UVRAG: variants seen among roughly 807,000 people sequenced by gnomAD.
The protein encoded by UVRAG is UV radiation resistance-associated gene protein.
A neutral mutation model predicts 78.0 loss-of-function variants in UVRAG; 19 were observed. The ratio of observed to expected loss-of-function variants is 0.24; its 90% CI spans 0.17 to 0.36. UVRAG has a LOEUF of 0.36. UVRAG is among the 10% of genes least tolerant of loss of function. The pLI is 1.00. For synonymous variants in UVRAG, 323 were observed against 324.6 expected (o/e 1.00, Z 0.05); for missense variants, 740 against 853.8 (o/e 0.87, Z 1.66).
chr11:75,966,743 T>C (rs1026936709), intron 7 of UVRAG, among the ~76,000 whole-genome samples: 1 of 152,212 alleles, frequency 6.6e-6, no homozygotes, highest in African/African-American at 2.4e-5. Flanking sequence ...CAAAAAATGT[T>C]GATGTTTTTA....
chr11:76,029,203 T>C (rs1847582006), intron 12 of UVRAG, among the ~76,000 whole-genome samples: 1 of 152,198 alleles, frequency 6.6e-6, no homozygotes, highest in African/African-American at 2.4e-5. Flanking sequence ...TGTTGAGACC[T>C]ACGGCTCAGA....
intron 1 of UVRAG, among the ~76,000 whole-genome samples, chr11:75,817,575 G>A (rs1945286386): frequency 2.6e-5 from 4 of 152,102 alleles, no homozygotes; most frequent in African/African-American, 9.7e-5. Context: ...TACTTTTGCA[G>A]TTGACATCAA....
chr11:76,091,000 G>A (rs1004565336), intron 13 of UVRAG, among the ~76,000 whole-genome samples: 2 of 152,118 alleles, frequency 1.3e-5, no homozygotes, highest in African/African-American at 4.8e-5. Context: ...ATGACATGAT[G>A]TCTTCCTCTT....
At chr11:75,977,986 A>G (rs1949288121) in intron 7 of UVRAG, among the ~76,000 whole-genome samples, 1 of 152,148 alleles carries the variant, frequency 6.6e-6, no homozygotes, top group African/African-American at 2.4e-5. Context: ...ACAATTTGGC[A>G]TGTTTTTGCA....
intron 7 of UVRAG, among the ~76,000 whole-genome samples, chr11:75,983,071 A>C (rs1040363081): frequency 2.0e-4 from 30 of 152,212 alleles, no homozygotes; most frequent in African/African-American, 7.0e-4. Context: ...TAACTTTTTG[A>C]GAACTTACTT....
At chr11:75,954,681 C>G (rs1027523259) in intron 6 of UVRAG, among the ~76,000 whole-genome samples, 1 of 152,198 alleles carries the variant, frequency 6.6e-6, no homozygotes, top group Non-Finnish European at 1.5e-5. Flanking sequence ...TGAGTCCCTC[C>G]TTTGTGCCAC....
intron 12 of UVRAG, among the ~76,000 whole-genome samples, chr11:76,023,124 T>A (rs1314657318): frequency 6.6e-6 from 1 of 152,212 alleles, no homozygotes; most frequent in Non-Finnish European, 1.5e-5. Flanking sequence ...TAATACTGTC[T>A]TTTTTATTTA....
chr11:76,020,458 C>T (rs541367823), intron 12 of UVRAG, among the ~76,000 whole-genome samples: 22 of 152,008 alleles, frequency 1.4e-4, no homozygotes, highest in Admixed American at 7.2e-4. Context: ...TGAATCCTGC[C>T]AGGACTTGGT....
At chr11:76,089,510 A>G (rs1476471279) in intron 13 of UVRAG, among the ~76,000 whole-genome samples, 1 of 152,222 alleles carries the variant, frequency 6.6e-6, no homozygotes, top group Non-Finnish European at 1.5e-5. Flanking sequence ...GCATGACGCG[A>G]TGCCATTTGA....
chr11:76,106,150 A>G (rs1159985002), intron 13 of UVRAG, among the ~76,000 whole-genome samples: 1 of 152,218 alleles, frequency 6.6e-6, no homozygotes, highest in Non-Finnish European at 1.5e-5. Context: ...AGAATAGAAT[A>G]CTACTCAGCA....
intron 1 of UVRAG, among the ~76,000 whole-genome samples, chr11:75,839,518 C>T (rs1039209482): frequency 6.6e-6 from 1 of 151,642 alleles, no homozygotes; most frequent in African/African-American, 2.4e-5. Context: ...GCCCTAACAC[C>T]TTTATTGATT....
chr11:75,842,498 A>G (rs901562431), intron 1 of UVRAG, among the ~76,000 whole-genome samples: 9 of 146,074 alleles, frequency 6.2e-5, no homozygotes, highest in African/African-American at 2.1e-4. Context: ...CTGGAGTGCA[A>G]TGGCGTGATC....
intron 6 of UVRAG, among the ~76,000 whole-genome samples, chr11:75,946,202 C>G (rs2135151385): frequency 6.6e-6 from 1 of 152,148 alleles, no homozygotes; most frequent in East Asian, 1.9e-4. Flanking sequence ...TCTCTTAACA[C>G]TAGACTCAGT....
chr11:75,820,322 A>AG (rs1402538538), intron 1 of UVRAG, among the ~76,000 whole-genome samples: 4 of 151,750 alleles, frequency 2.6e-5, no homozygotes, highest in Admixed American at 6.6e-5. Context: ...TAGTACAGAA[A>AG]GTTCCCATAT....
At chr11:76,027,154 C>T (rs939844565) in intron 12 of UVRAG, among the ~76,000 whole-genome samples, 38 of 152,162 alleles carry the variant, frequency 2.5e-4, no homozygotes, top group African/African-American at 9.2e-4. Flanking sequence ...GAGGCAAGCC[C>T]AGAAGATGAA....
intron 12 of UVRAG, among the ~76,000 whole-genome samples, chr11:76,034,231 C>G (rs1950487756): frequency 6.6e-6 from 1 of 152,158 alleles, no homozygotes; most frequent in Non-Finnish European, 1.5e-5. Context: ...CAAGGTCTCA[C>G]TCTGTCACTC....
intron 12 of UVRAG, among the ~76,000 whole-genome samples, chr11:76,052,974 T>C (rs927428431): frequency 1.7e-4 from 25 of 149,006 alleles, no homozygotes; most frequent in African/African-American, 5.9e-4. Flanking sequence ...TATATAGGTA[T>C]AAATATATAT....
intron 7 of UVRAG, among the ~76,000 whole-genome samples, chr11:75,964,242 G>T (rs1237646648): frequency 1.3e-5 from 2 of 152,160 alleles, no homozygotes; most frequent in Non-Finnish European, 2.9e-5. Flanking sequence ...TTTGTTGTCA[G>T]GGTGACGTTG....
At chr11:76,095,983 A>G (rs963265872) in intron 13 of UVRAG, among the ~76,000 whole-genome samples, 14 of 152,170 alleles carry the variant, frequency 9.2e-5, no homozygotes, top group Non-Finnish European at 2.1e-4. Context: ...ACAAAAATAT[A>G]ATAAAACAAT....
Sources: allele counts gnomAD v4.1 joint callset (sites outside exome capture counted in the v4.1 genomes callset), GRCh38; gene constraint gnomAD v4.1.1; transcripts MANE v1.5; gene names NCBI Gene and HGNC (gene_info 2026-07-23, HGNC 2026-07-21).